COIL: variants seen among roughly 807,000 people sequenced by gnomAD.
The protein encoded by COIL is coilin p80.
Under a neutral mutation model 51.6 loss-of-function variants are expected in COIL, and 28 were observed. The ratio of observed to expected loss-of-function variants is 0.54; its 90% CI spans 0.40 to 0.74. The LOEUF (loss-of-function observed/expected upper bound fraction) is 0.74. Among genes scored for constraint, COIL ranks in the 30% least tolerant of loss-of-function variants. The pLI, the probability that COIL is intolerant of heterozygous loss-of-function variation, is 0.00. For missense variants in COIL, 667 were observed against 685.9 expected, an observed-to-expected ratio of 0.97 and a Z score of 0.31; for synonymous variants, 233 against 255.8, an observed-to-expected ratio of 0.91 and a Z score of 0.85.
At chr17:56,960,656 T>A in intron 1 of COIL, 119 bp downstream of exon 1, 1 of 243,012 alleles carries the variant, frequency 4.1e-6, no homozygotes, top group South Asian at 6.6e-5. Flanking sequence ...CCAACCCTCG[T>A]CCCCTTCCCC....
rs539149285 is a variant in COIL at position 56,958,642 on chromosome 17, T to C, written c.245+2133A>G. On this transcript the variant is annotated intron_variant, in intron 1 of 6. Coordinates refer to ENST00000240316, the MANE Select transcript of COIL (RefSeq NM_004645.3). ...AATGCCCACATGATTCATTAAAGTA[T>C]AATTATAGTTAGCACAAGTTATTAA... Among the ~76,000 whole-genome samples, 116 of 146,574 alleles carry C rather than the reference T, an allele frequency of 7.9e-4. 4 individuals are homozygous for C. The South Asian group carries it at 0.024, about 31-fold the overall frequency.
chr17:56,942,247 C>A (rs2144391206), intron 5 of COIL, 124 bp from the exon 6 acceptor site: 1 of 783,236 alleles, frequency 1.3e-6, no homozygotes, highest in East Asian at 2.6e-5. Flanking sequence ...AATGTGAAGG[C>A]TGGGTATGTA....
intron 1 of COIL, among the ~76,000 whole-genome samples, chr17:56,959,564 A>T (rs1435939216): frequency 6.6e-6 from 1 of 152,234 alleles, no homozygotes; most frequent in East Asian, 1.9e-4. Flanking sequence ...AGGACTCAAG[A>T]CACTTATTTG....
intron 1 of COIL, among the ~76,000 whole-genome samples, chr17:56,959,369 A>C (rs1294187781): frequency 2.6e-5 from 4 of 152,168 alleles, no homozygotes; most frequent in African/African-American, 9.7e-5. Context: ...AAAAAGTCTG[A>C]ATAAATCAGT....
At chr17:56,941,061 C>T (rs555770519) in intron 6 of COIL, 7 of 142,596 alleles carry the variant, frequency 4.9e-5, no homozygotes, top group Middle Eastern at 8.3e-3. Context: ...GGTGTGAACC[C>T]GGGAGGCGGA....
Position 56,942,038 on chromosome 17 carries a change from G to C in COIL, c.1644C>G (p.Ser548Arg). 1.2e-6 allele frequency: 2 copies of C among 1,612,490 alleles called. No individual in the cohort carries two copies. Among genetic ancestry groups the C allele is most frequent in the Non-Finnish European group, 1.7e-6 (2 of 1,178,524 alleles). The change falls in exon 6 of 7, where the codon AGC becomes AGG. Residue 548 changes from serine (S) to arginine (R), a missense_variant. By Grantham distance (110) the Ser-to-Arg change is moderately radical. Transcript: ENST00000240316. ...GCAAGAAGAGAAGCACACCTACCTT[G>C]CTCTCCTGTGTCACAGCGTACTCCA... ...EVVEYAVTQESKITVFWKELI... is the reference protein window; with the variant it reads ...EVVEYAVTQERKITVFWKELI...
intron 1 of COIL, among the ~76,000 whole-genome samples, chr17:56,953,176 T>C (rs566680101): frequency 3.4e-4 from 51 of 151,140 alleles, no homozygotes; most frequent in Admixed American, 7.2e-4. Flanking sequence ...CTTTGGGAGG[T>C]CAAGGTGGGT....
chr17:56,942,169 T>C, intron 5 of COIL, 46 bp from the exon 6 acceptor site: 1 of 1,444,058 alleles, frequency 6.9e-7, no homozygotes, highest in South Asian at 1.1e-5. Context: ...CATTTTTCAA[T>C]AGTTAAAAAT....
At chr17:56,949,816 G>A in intron 2 of COIL, 49 bp from the exon 3 acceptor site, 1 of 1,611,674 alleles carries the variant, frequency 6.2e-7, no homozygotes, top group East Asian at 2.2e-5. Flanking sequence ...GAGAAAATGT[G>A]AATCCATGAC....
At chr17:56,940,862 C>T (rs1314661520) in intron 6 of COIL, among the ~76,000 whole-genome samples, 3 of 152,074 alleles carry the variant, frequency 2.0e-5, no homozygotes, top group African/African-American at 7.2e-5. Flanking sequence ...CGGCCGGGCG[C>T]GGTGGCTCAC....
At chr17:56,953,206 T>C (rs1236269258) in intron 1 of COIL, among the ~76,000 whole-genome samples, 1 of 151,500 alleles carries the variant, frequency 6.6e-6, no homozygotes, top group East Asian at 1.9e-4. Context: ...GGTCAGGAGA[T>C]CGAGACCATC....
Position 56,938,871 on chromosome 17 carries a change from T to C in COIL, c.*200A>G. The C allele has an allele frequency of 2.3e-6, 1 of 443,248 alleles. No individual in the cohort carries two copies. Among genetic ancestry groups the C allele is most frequent in the Admixed American group, 4.2e-5 (1 of 23,662 alleles). The allele number at this position is 443,248 out of a possible 1,614,324, so 27.5% of individuals were successfully genotyped here. A position where few individuals can be genotyped will look rare whatever the true frequency, so the allele number is the denominator to read the frequency against. Reference sequence around the variant, plus strand: ...ACATTTTGTTAACTGAAATTAAACCTGACAAAAAAACCAAAGATCTACAAA... The same window carrying C: ...ACATTTTGTTAACTGAAATTAAACCCGACAAAAAAACCAAAGATCTACAAA... On this transcript the variant is annotated 3_prime_UTR_variant, in exon 7 of 7. Coordinates refer to ENST00000240316, the MANE Select transcript of COIL (RefSeq NM_004645.3).
chr17:56,939,475 C>T (rs766998407), intron 6 of COIL, among the ~76,000 whole-genome samples: 2 of 152,074 alleles, frequency 1.3e-5, no homozygotes, highest in South Asian at 4.2e-4. Flanking sequence ...AGAGGCCAGG[C>T]ATGGTAGCTC....
At chr17:56,947,084 T>C (rs556606450) in intron 4 of COIL, among the ~76,000 whole-genome samples, 60 of 152,150 alleles carry the variant, frequency 3.9e-4, no homozygotes, top group Admixed American at 7.2e-4. Flanking sequence ...GAGGATGCAC[T>C]GCCCATGCAC....
chr17:56,949,582 G>A (rs936992593), intron 3 of COIL, 99 bp downstream of exon 3: 24 of 1,394,252 alleles, frequency 1.7e-5, no homozygotes, highest in Non-Finnish European at 1.9e-5. Flanking sequence ...GGTTCCAGTG[G>A]GAAGGGCTTT....
intron 5 of COIL, among the ~76,000 whole-genome samples, chr17:56,944,252 G>A (rs781381272): frequency 7.9e-5 from 12 of 152,202 alleles, no homozygotes; most frequent in Non-Finnish European, 1.5e-4. Context: ...TCTGTCCACC[G>A]TTCCTAAGAA....
chr17:56,957,593 G>C (rs561462070), intron 1 of COIL, among the ~76,000 whole-genome samples: 2 of 152,058 alleles, frequency 1.3e-5, no homozygotes, highest in African/African-American at 4.8e-5. Context: ...CTGCACTCCA[G>C]CCTGGGCAAC....
intron 6 of COIL, chr17:56,939,940 G>A (rs1910114352): frequency 1.3e-5 from 2 of 152,092 alleles, no homozygotes; most frequent in Admixed American, 6.5e-5. Flanking sequence ...ACATGGTCCA[G>A]ATGGGTATCA....
chr17:56,949,969 A>G lies in COIL; in HGVS notation c.1273T>C (p.Cys425Arg), dbSNP rs567931632. Residue 425 changes from cysteine to arginine, a missense_variant, in exon 2 of 7, where the codon TGT becomes CGT. Transcript: ENST00000240316. The stretch of plus-strand genomic sequence containing the variant: ...TTGTCAGTGCTTCTATTTACAACAC[A>G]GGAAACAGGATGCCCTCGTCCTCGA... ...RGRGRGHPVSCVVNRSTDNQR... is the reference protein window; with the variant it reads ...RGRGRGHPVSRVVNRSTDNQR... 6.2e-6 allele frequency: 10 copies of G among 1,614,198 alleles called. No individual in the cohort carries two copies. The highest frequency in any genetic ancestry group is 1.7e-4 in the Middle Eastern group (1 of 6,052).
Sources: allele counts gnomAD v4.1 joint callset (sites outside exome capture counted in the v4.1 genomes callset), GRCh38; gene constraint gnomAD v4.1.1; transcripts MANE v1.5; gene names NCBI Gene and HGNC (gene_info 2026-07-23, HGNC 2026-07-21).